SUCO: variants seen among roughly 807,000 people sequenced by gnomAD.
SUCO encodes the protein SUN domain-containing ossification factor.
In SUCO, 57 loss-of-function variants were observed where a neutral mutation model predicts 148.1. The observed-to-expected ratio is 0.38, with a 90% CI of 0.31 to 0.48. SUCO has a LOEUF of 0.48. Among genes scored for constraint, SUCO ranks in the 20% least tolerant of loss-of-function variants. The pLI is 0.96. For synonymous variants in SUCO, 470 were observed against 502.7 expected, an observed-to-expected ratio of 0.93 and a Z score of 0.87; for missense variants, 1,331 against 1,468.2, an observed-to-expected ratio of 0.91 and a Z score of 1.53.
intron 10 of SUCO, chr1:172,575,002 C>T (rs1428926522): frequency 2.0e-6 from 1 of 508,230 alleles, no homozygotes; most frequent in African/African-American, 2.1e-5. Context: ...TGAGAGGGCT[C>T]ATTATTTTGA....
intron 17 of SUCO, chr1:172,588,553 T>A (rs1656395270): frequency 1.0e-6 from 1 of 985,074 alleles, no homozygotes; most frequent in Non-Finnish European, 1.2e-6. Context: ...GCTAGTCACT[T>A]GATAAATAGT....
chr1:172,553,824 A>C (rs1653502983), intron 3 of SUCO, among the ~76,000 whole-genome samples: 1 of 152,160 alleles, frequency 6.6e-6, no homozygotes, highest in South Asian at 2.1e-4. Context: ...CTCATATTAC[A>C]TTCTGAATAT....
intron 1 of SUCO, 136 bp from the exon 2 acceptor site, chr1:172,551,376 G>C: frequency 2.2e-6 from 1 of 451,860 alleles, no homozygotes; most frequent in Non-Finnish European, 4.0e-6. Flanking sequence ...ATTGTTAAAA[G>C]GTATTAGGAT....
At chr1:172,608,163 T>C in intron 22 of SUCO, 1 of 815,454 alleles carries the variant, frequency 1.2e-6, no homozygotes, top group Non-Finnish European at 1.5e-6. Context: ...TCATTCATTA[T>C]TGCTTAGTGA....
At position 172,608,634 on chromosome 1, in the gene SUCO, T is replaced by A. The variant is rs530224290; in HGVS notation, c.3266-113T>A. The A allele has an allele frequency of 3.9e-6, 3 of 775,826 alleles. No homozygotes were observed. In the African/African-American group the frequency reaches 5.3e-5, roughly 14 times the overall value. The allele number at this position is 775,826 out of a possible 1,614,324, so 48.1% of individuals were successfully genotyped here. A position where few individuals can be genotyped will look rare whatever the true frequency, so the allele number is the denominator to read the frequency against. ...CCTGATACAAATTCATTGGTTCTATTACTAGAGGATAATAAGGAATGAATG... is the reference window on the plus strand; with the variant it reads ...CCTGATACAAATTCATTGGTTCTATAACTAGAGGATAATAAGGAATGAATG... On this transcript the variant is annotated intron_variant, in intron 22 of 23. Coordinates refer to ENST00000263688, the MANE Select transcript of SUCO (RefSeq NM_014283.5).
chr1:172,590,251 C>A, intron 18 of SUCO: 1 of 817,824 alleles, frequency 1.2e-6, no homozygotes, highest in Non-Finnish European at 1.5e-6. Flanking sequence ...CCAGAGGGCT[C>A]ATGGAAAAAA....
At chr1:172,582,097 C>T (rs1476951534) in intron 15 of SUCO, among the ~76,000 whole-genome samples, 4 of 152,144 alleles carry the variant, frequency 2.6e-5, no homozygotes, top group Non-Finnish European at 1.5e-5. Context: ...CCTCTGCCTA[C>T]TTTGATATTG....
At chr1:172,587,652 G>C (rs897421067) in intron 17 of SUCO, among the ~76,000 whole-genome samples, 1 of 151,866 alleles carries the variant, frequency 6.6e-6, no homozygotes, top group Non-Finnish European at 1.5e-5. Flanking sequence ...TCCATTTACT[G>C]TTTTACTACC....
chr1:172,578,624 C>G, intron 14 of SUCO: 3 of 788,074 alleles, frequency 3.8e-6, no homozygotes, highest in Non-Finnish European at 4.6e-6. Flanking sequence ...AAACTCCCTT[C>G]TATAACATTA....
chr1:172,571,710 C>T (rs1390965789), intron 9 of SUCO, among the ~76,000 whole-genome samples: 21 of 88,472 alleles, frequency 2.4e-4, no homozygotes, highest in Non-Finnish European at 3.3e-4. Context: ...TCTGCCCCGC[C>T]GCCCCGTCTG....
Position 172,577,863 on chromosome 1 carries a change from G to A in SUCO, c.1340+44G>A, listed in dbSNP as rs546612647. On this transcript the variant is annotated intron_variant, in intron 13 of 23. Transcript: ENST00000263688. ...CATTTATTGAGTTTTTAAAAAAATT[G>A]ATATACAAAATTTTCGATATATTTA... 5.4e-6 allele frequency: 8 copies of A among 1,468,538 alleles called. No individual in the cohort carries two copies. In the South Asian group the frequency reaches 9.9e-5, roughly 18 times the overall value. 91.0% of individuals were successfully genotyped at this position (1,468,538 alleles called of 1,614,324 possible).
intron 19 of SUCO, among the ~76,000 whole-genome samples, chr1:172,597,064 C>T (rs112810838): frequency 0.056 from 8,452 of 152,274 alleles, 729 homozygotes; most frequent in African/African-American, 0.19. Flanking sequence ...AGCGAGGCTC[C>T]GTGGGCATGG....
chr1:172,584,402 T>A (rs1656091692), intron 15 of SUCO: 1 of 908,914 alleles, frequency 1.1e-6, no homozygotes, highest in Non-Finnish European at 1.3e-6. Flanking sequence ...GTACAGACTG[T>A]ATGTTGAGTT....
At chr1:172,575,479 A>G (rs750271933) in intron 10 of SUCO, 39 bp from the exon 11 acceptor site, 1 of 1,433,402 alleles carries the variant, frequency 7.0e-7, no homozygotes, top group Non-Finnish European at 9.7e-7. Context: ...TATGTGGTTT[A>G]TAATTTTTAA....
intron 15 of SUCO, among the ~76,000 whole-genome samples, chr1:172,580,007 T>C (rs1655759230): frequency 1.3e-5 from 2 of 152,186 alleles, no homozygotes; most frequent in Non-Finnish European, 2.9e-5. Context: ...TTGCTCTTAG[T>C]GAATTGAATT....
chr1:172,550,754 T>G, intron 1 of SUCO: 1 of 209,984 alleles, frequency 4.8e-6, no homozygotes, highest in Non-Finnish European at 8.3e-6. Context: ...ATATAATTAT[T>G]CCTGTTTCAT....
At position 172,589,381 on chromosome 1, in the gene SUCO, A is replaced by G. The variant is rs373857381; in HGVS notation, c.2280A>G (p.Ile760Met). 16 of 1,613,654 alleles carry G rather than the reference A, an allele frequency of 9.9e-6. No homozygotes were observed. In the African/African-American group the frequency reaches 2.0e-4, roughly 20 times the overall value. The change falls in exon 18 of 24, where the codon ATA becomes ATG. Residue 760 changes from isoleucine (I) to methionine (M), a missense_variant. By Grantham distance (10) the Ile-to-Met change is conservative (BLOSUM62 1). Coordinates refer to ENST00000263688, the MANE Select transcript of SUCO (RefSeq NM_014283.5). Reference protein sequence around the residue: ...SESVEYEAGHIPSPVIPQESS... With the variant: ...SESVEYEAGHMPSPVIPQESS... Reference sequence around the variant, plus strand: ...CTGTTGAATATGAGGCAGGACATATACCATCACCAGTGATTCCCCAAGAGA... The same window carrying G: ...CTGTTGAATATGAGGCAGGACATATGCCATCACCAGTGATTCCCCAAGAGA...
At chr1:172,591,158 T>C in intron 19 of SUCO, 87 bp downstream of exon 19, 1 of 967,444 alleles carries the variant, frequency 1.0e-6, no homozygotes, top group Non-Finnish European at 1.5e-6. Context: ...AGTATTGTAG[T>C]TTCACTTTTT....
At chr1:172,586,936 TG>T in intron 17 of SUCO, among the ~76,000 whole-genome samples, 1 of 152,092 alleles carries the variant, frequency 6.6e-6, no homozygotes, top group East Asian at 1.9e-4. Context: ...AGAAATCTAT[TG>T]GGGATAGAGA....
Sources: gnomAD v4.1 joint callset for allele counts (sites outside exome capture counted in the v4.1 genomes callset) on GRCh38, gnomAD v4.1.1 for gene constraint, MANE v1.5 for transcripts, NCBI Gene and HGNC (gene_info 2026-07-23, HGNC 2026-07-21) for gene names.